FYCO1: variants seen among roughly 807,000 people sequenced by gnomAD.
FYCO1 encodes the protein FYVE and coiled-coil domain-containing protein 1.
In FYCO1, 122 loss-of-function variants were observed where a neutral mutation model predicts 165.1. That is an observed-to-expected ratio of 0.74 (90% CI 0.64 to 0.86). The LOEUF is 0.86. Among genes scored for constraint, FYCO1 ranks in the 40% least tolerant of loss-of-function variants. FYCO1 has a pLI of 0.00. For synonymous variants in FYCO1, 648 were observed against 742.5 expected (o/e 0.87, Z 2.07); for missense variants, 1,702 against 1,810.3 (o/e 0.94, Z 1.09).
At chr3:45,931,047 C>T (rs1322663199) in intron 16 of FYCO1, 24 bp downstream of exon 16, 5 of 1,604,140 alleles carry the variant, frequency 3.1e-6, no homozygotes, top group Non-Finnish European at 4.3e-6. Context: ...GTAAGGAGCC[C>T]ACAGGCAGGG....
chr3:45,953,166 G>A (rs375931327), intron 14 of FYCO1, among the ~76,000 whole-genome samples: 1 of 152,168 alleles, frequency 6.6e-6, no homozygotes, highest in Non-Finnish European at 1.5e-5. Context: ...CAATGGCAGC[G>A]TCATGAAGAT....
At chr3:45,954,635 C>G (rs1705212809) in intron 14 of FYCO1, among the ~76,000 whole-genome samples, 1 of 152,206 alleles carries the variant, frequency 6.6e-6, no homozygotes, top group African/African-American at 2.4e-5. Context: ...TGCTGAAGCC[C>G]TAAGCACCAG....
At chr3:45,945,130 C>T (rs957366021) in intron 14 of FYCO1, 1 of 152,194 alleles carries the variant, frequency 6.6e-6, no homozygotes, top group African/African-American at 2.4e-5. Flanking sequence ...GACACTGCTC[C>T]CAGTCAGGAC....
rs1490482175 is a variant in FYCO1 at position 45,968,780 on chromosome 3, T to A, written c.631-77A>T. On this transcript the variant is annotated intron_variant, in intron 7 of 17. Transcript: ENST00000296137. ...TATTTAGAAAAGCTTTAGAGTTTAA[T>A]GAGAGCAGAGGTAAAAATACAGGCA... The A allele has an allele frequency of 9.6e-5, 150 of 1,566,382 alleles. No individual in the cohort carries two copies. In the African/African-American group the frequency reaches 1.7e-3, roughly 18 times the overall value.
At chr3:45,929,004 T>C (rs1703461125) in intron 16 of FYCO1, among the ~76,000 whole-genome samples, 1 of 152,234 alleles carries the variant, frequency 6.6e-6, no homozygotes, top group African/African-American at 2.4e-5. Context: ...GTCTGAGTGC[T>C]GCAATTTGCA....
chr3:45,931,179 C>T lies in FYCO1; in HGVS notation c.4143G>A (p.Val1381=). The change falls in exon 16 of 18, where the codon GTG becomes GTA. Residue 1381 remains valine, a synonymous_variant. Coordinates refer to ENST00000296137, the MANE Select transcript of FYCO1 (RefSeq NM_024513.4). ...AGCTGATGGTGAGGCCTGCCTCGGC[C>T]ACAGTGATGGGGATCAGGCTGTAGG... ...SSTYSLIPIT[V]AEAGLTISWV... is the part of the protein sequence containing the mutation. 1 of 1,614,108 alleles carries T rather than the reference C, an allele frequency of 6.2e-7. No homozygotes were observed. Among genetic ancestry groups the T allele is most frequent in the Non-Finnish European group, 8.5e-7 (1 of 1,179,960 alleles).
intron 3 of FYCO1, among the ~76,000 whole-genome samples, 177 bp from the exon 4 acceptor site, chr3:45,980,007 G>A (rs191878170): frequency 6.6e-6 from 1 of 152,282 alleles, no homozygotes; most frequent in Admixed American, 6.5e-5. Context: ...TCATACAGCT[G>A]GGTGGAAAAC....
intron 14 of FYCO1, among the ~76,000 whole-genome samples, chr3:45,944,324 C>T (rs1704444861): frequency 6.6e-6 from 1 of 152,104 alleles, no homozygotes; most frequent in African/African-American, 2.4e-5. Context: ...ATCCTTTTGA[C>T]ATCTATTTGT....
At position 45,967,530 on chromosome 3, in the gene FYCO1, C is replaced by T. The variant is rs1559460310; in HGVS notation, c.1804G>A (p.Asp602Asn). The change falls in exon 8 of 18, where the codon GAT (aspartate) becomes AAT (asparagine). Residue 602 changes from aspartate to asparagine, a missense_variant. Coordinates refer to ENST00000296137, the MANE Select transcript of FYCO1 (RefSeq NM_024513.4). Reference protein sequence around the residue: ...QRGLQEAQLDDTKVQEGSQEE... With the variant: ...QRGLQEAQLDNTKVQEGSQEE... ...TGGCTGCCCTCTTGCACCTTGGTAT[C>T]GTCTAACTGTGCCTCCTGCAGGCCC... 3.1e-6 allele frequency: 5 copies of T among 1,613,778 alleles called. No homozygotes were observed. The highest frequency in any genetic ancestry group is 1.3e-5 in the African/African-American group (1 of 75,036).
At chr3:45,965,163 G>C in intron 8 of FYCO1, 38 bp from the exon 9 acceptor site, 1 of 1,529,740 alleles carries the variant, frequency 6.5e-7, no homozygotes, top group Non-Finnish European at 9.0e-7. Flanking sequence ...ATAAAAGTAG[G>C]GTCCTTGCTC....
intron 16 of FYCO1, 41 bp downstream of exon 16, chr3:45,931,030 T>C (rs1227617821): frequency 6.3e-7 from 1 of 1,580,032 alleles, no homozygotes; most frequent in Non-Finnish European, 8.7e-7. Context: ...AGTACCCAGA[T>C]GTGTGTGTAA....
In FYCO1 at chr3:45,967,587, C is replaced by T; in HGVS notation, c.1747G>A (p.Glu583Lys). 1 of 1,614,142 alleles carries T rather than the reference C, an allele frequency of 6.2e-7. No individual in the cohort carries two copies. Among genetic ancestry groups the T allele is most frequent in the Non-Finnish European group, 8.5e-7 (1 of 1,180,030 alleles). ...TCCTCCTCTGGCTTCCCCCAGGCCT[C>T]TTGCAGACTGGAGTTCACAGGGACC... ...ALVPVNSSLQ[E>K]AWGKPEEEQR... The change falls in exon 8 of 18, where the codon GAG becomes AAG. Residue 583 changes from glutamate (E) to lysine (K), a missense_variant. Coordinates refer to ENST00000296137, the MANE Select transcript of FYCO1 (RefSeq NM_024513.4).
At chr3:45,961,905 C>A (rs978598253) in intron 11 of FYCO1, among the ~76,000 whole-genome samples, 2 of 152,158 alleles carry the variant, frequency 1.3e-5, no homozygotes, top group Non-Finnish European at 2.9e-5. Context: ...AGGTTTCCAC[C>A]TTCTCTCAAG....
chr3:45,988,880 AG>A (rs1707438757), intron 1 of FYCO1, among the ~76,000 whole-genome samples: 1 of 152,114 alleles, frequency 6.6e-6, no homozygotes, highest in Admixed American at 6.6e-5. Context: ...CTGACCTCCA[AG>A]TTTTTTCTAT....
intron 11 of FYCO1, among the ~76,000 whole-genome samples, chr3:45,961,992 G>C (rs1429505954): frequency 6.6e-6 from 1 of 151,968 alleles, no homozygotes; most frequent in Admixed American, 6.6e-5. Context: ...GTTTCTCACA[G>C]TCCCCTCCTG....
Position 45,964,596 on chromosome 3 carries a change from T to C in FYCO1, c.3151-142A>G, listed in dbSNP as rs1705891535. The C allele has an allele frequency of 6.0e-6, 9 of 1,507,968 alleles. No individual in the cohort carries two copies. The highest frequency in any genetic ancestry group is 2.5e-5 in the East Asian group (1 of 40,192). 93.4% of individuals were successfully genotyped at this position (1,507,968 alleles called of 1,614,324 possible). ...GTTTCCTATTAAGTTCAAGAGGCCA[T>C]GAACCTCTGCTCTATATTTGTGGGG... is the stretch of plus-strand genomic sequence containing the variant. On this transcript the variant is annotated intron_variant, in intron 9 of 17. Transcript: ENST00000296137. This position sits in a 1 kb window ranked among gnomAD's most constrained non-coding sequence, Gnocchi z 4.1.
intron 14 of FYCO1, among the ~76,000 whole-genome samples, chr3:45,944,810 T>C (rs1231811511): frequency 6.6e-6 from 1 of 152,128 alleles, no homozygotes; most frequent in South Asian, 2.1e-4. Flanking sequence ...CAAGCAATAA[T>C]GGGGAGCTGA....
chr3:45,931,381 G>T, intron 15 of FYCO1, 100 bp from the exon 16 acceptor site: 5 of 1,105,730 alleles, frequency 4.5e-6, no homozygotes, highest in Non-Finnish European at 6.8e-6. Context: ...AGACTTCGGA[G>T]ACTCTTGAGA....
In FYCO1 at chr3:45,967,832, T is replaced by C. The variant is rs146010173; in HGVS notation, c.1502A>G (p.Lys501Arg). The C allele has an allele frequency of 1.0e-4, 166 of 1,614,106 alleles. 1 individual carries two copies. The East Asian group carries it at 3.2e-3, about 31-fold the overall frequency. ...CCTGACCTCCTGCTCCAGCAGCTCC[T>C]TCTCCTCCTGTTGCTGTTTTTTCTC... ...RREKKQQQEE[K>R]ELLEQEVRSL... The change falls in exon 8 of 18, where the codon AAG (lysine) becomes AGG (arginine). Residue 501 changes from lysine (K) to arginine (R), a missense_variant. Transcript: ENST00000296137.
Sources: allele counts gnomAD v4.1 joint callset (sites outside exome capture counted in the v4.1 genomes callset), GRCh38; gene constraint gnomAD v4.1.1; non-coding constraint Gnocchi (gnomAD v3.1); transcripts MANE v1.5; gene names NCBI Gene and HGNC (gene_info 2026-07-23, HGNC 2026-07-21).